The following CERS6 variants were observed in gnomAD, a reference collection of about 807,000 sequenced individuals.
CERS6 encodes the protein ceramide synthase 6.
In CERS6, 26 loss-of-function variants were observed where a neutral mutation model predicts 56.8. That is an observed-to-expected ratio of 0.46 (90% CI 0.34 to 0.63). CERS6 has a LOEUF of 0.63. CERS6 is among the 30% of genes least tolerant of loss of function. The pLI, the probability that CERS6 is intolerant of heterozygous loss-of-function variation, is 0.01. For synonymous variants in CERS6, 164 were observed against 173.3 expected, an observed-to-expected ratio of 0.95 and a Z score of 0.42; for missense variants, 415 against 467.5, an observed-to-expected ratio of 0.89 and a Z score of 1.04.
Position 168,720,710 on chromosome 2 carries a change from G to A in CERS6, c.845+2732G>A, listed in dbSNP as rs565952659. 4.6e-5 allele frequency among the ~76,000 whole-genome samples: 7 copies of A among 152,206 alleles called. No homozygotes were observed. In the South Asian group the frequency reaches 1.5e-3, roughly 32 times the overall value. On this transcript the variant is annotated intron_variant, in intron 8 of 9. Coordinates refer to ENST00000305747, the MANE Select transcript of CERS6 (RefSeq NM_203463.3). ...TCTATAGAGCTAAGAAACATGTCAG[G>A]TTCATAGTAATTGCTATGTAAGTAT...
chr2:168,713,632 T>G (rs1687152132), intron 6 of CERS6, among the ~76,000 whole-genome samples: 1 of 152,146 alleles, frequency 6.6e-6, no homozygotes, highest in Non-Finnish European at 1.5e-5. Flanking sequence ...GGATGGTCAA[T>G]TTACTGTTAT....
chr2:168,561,179 C>T lies in CERS6; in HGVS notation c.277-13C>T. On this transcript the variant is annotated splice_polypyrimidine_tract_variant and intron_variant, in intron 2 of 9. Coordinates refer to ENST00000305747, the MANE Select transcript of CERS6 (RefSeq NM_203463.3). ...TGGATTGAAAATTATTTTTCTGGTA[C>T]CTTGTTTCATAGCATCCTGATGAAA... The T allele has an allele frequency of 6.2e-7, 1 of 1,613,052 alleles. No homozygotes were observed. Among genetic ancestry groups the T allele is most frequent in the South Asian group, 1.1e-5 (1 of 91,018 alleles).
chr2:168,751,164 G>A (rs1684257068), intron 8 of CERS6, among the ~76,000 whole-genome samples: 1 of 152,134 alleles, frequency 6.6e-6, no homozygotes, highest in South Asian at 2.1e-4. Context: ...GAAGTGTCAG[G>A]TTAAAAGAAT....
At chr2:168,486,518 G>GTTTTTTTTTT (rs1491580943) in intron 1 of CERS6, among the ~76,000 whole-genome samples, 27 of 136,306 alleles carry the variant, frequency 2.0e-4, no homozygotes, top group East Asian at 8.9e-4. Context: ...GTCTAGATTT[G>GTTTTTTTTTT]GTTTTGTTTT....
At chr2:168,587,303 G>T (rs1190450407) in intron 3 of CERS6, among the ~76,000 whole-genome samples, 1 of 152,202 alleles carries the variant, frequency 6.6e-6, no homozygotes, top group Non-Finnish European at 1.5e-5. Context: ...TTGCCCCTCT[G>T]TGGATTTCAT....
At chr2:168,741,752 G>A (rs1301701558) in intron 8 of CERS6, among the ~76,000 whole-genome samples, 1 of 152,204 alleles carries the variant, frequency 6.6e-6, no homozygotes, top group South Asian at 2.1e-4. Flanking sequence ...CAGGCATGCT[G>A]TAAAGATGTG....
At chr2:168,557,616 C>G (rs562565102) in intron 2 of CERS6, among the ~76,000 whole-genome samples, 31 of 152,212 alleles carry the variant, frequency 2.0e-4, no homozygotes, top group African/African-American at 7.0e-4. Flanking sequence ...TCCTCCTACT[C>G]AATACCAATA....
In CERS6 at chr2:168,759,901, T is replaced by C. The variant is rs919379986; in HGVS notation, c.846-5691T>C. On this transcript the variant is annotated intron_variant, in intron 8 of 9. Coordinates refer to ENST00000305747, the MANE Select transcript of CERS6 (RefSeq NM_203463.3). The stretch of plus-strand genomic sequence containing the variant: ...CAAAAGCTGTACGTTGTGTGTGTTT[T>C]TTTTTGTACATATGTGTTTTGTTTG... 9.9e-5 allele frequency among the ~76,000 whole-genome samples: 15 copies of C among 152,232 alleles called. 1 individual carries two copies. The highest frequency in any genetic ancestry group is 3.6e-4 in the African/African-American group (15 of 41,558).
chr2:168,697,840 A>G (rs544634749), intron 6 of CERS6, among the ~76,000 whole-genome samples: 21 of 152,366 alleles, frequency 1.4e-4, no homozygotes, highest in Admixed American at 1.4e-3. Flanking sequence ...CTTGGCTTCC[A>G]GAAGCCTAGT....
At chr2:168,478,045 T>C (rs986349943) in intron 1 of CERS6, among the ~76,000 whole-genome samples, 1 of 152,194 alleles carries the variant, frequency 6.6e-6, no homozygotes, top group African/African-American at 2.4e-5. Flanking sequence ...ATGATATTTT[T>C]CCCTGGCTGA....
chr2:168,670,611 C>T (rs1000543533), intron 4 of CERS6, among the ~76,000 whole-genome samples: 20 of 152,192 alleles, frequency 1.3e-4, no homozygotes, highest in East Asian at 1.2e-3. Flanking sequence ...AACTAGAAAA[C>T]GACATAGTCA....
chr2:168,554,727 G>A (rs1023924026), intron 2 of CERS6, among the ~76,000 whole-genome samples: 1 of 152,192 alleles, frequency 6.6e-6, no homozygotes, highest in Admixed American at 6.6e-5. Flanking sequence ...AAAAAAGTAT[G>A]TGAGGAGCAC....
At chr2:168,631,390 A>C (rs1467958033) in intron 4 of CERS6, among the ~76,000 whole-genome samples, 1 of 135,970 alleles carries the variant, frequency 7.4e-6, no homozygotes, top group Non-Finnish European at 1.5e-5. Flanking sequence ...AACTATATAT[A>C]TTATATAATA....
chr2:168,613,690 C>A (rs1257331529), intron 3 of CERS6, among the ~76,000 whole-genome samples: 1 of 152,164 alleles, frequency 6.6e-6, no homozygotes, highest in Admixed American at 6.5e-5. Flanking sequence ...TGCTTGGCAA[C>A]CTCATGATCT....
chr2:168,492,845 T>C (rs556399033), intron 1 of CERS6, among the ~76,000 whole-genome samples: 2 of 152,314 alleles, frequency 1.3e-5, no homozygotes, highest in African/African-American at 4.8e-5. Context: ...AGTAACTTTA[T>C]AGCTTAAGCA....
chr2:168,641,280 A>G (rs898132788), intron 4 of CERS6, among the ~76,000 whole-genome samples: 4 of 151,698 alleles, frequency 2.6e-5, no homozygotes, highest in African/African-American at 7.3e-5. Flanking sequence ...CGTGTCTTTC[A>G]ATTAAACTGA....
rs576355062 is a variant in CERS6 at position 168,536,534 on chromosome 2, A to G, written c.171-11062A>G. 1.2e-4 allele frequency among the ~76,000 whole-genome samples: 18 copies of G among 152,312 alleles called. No homozygotes were observed. The East Asian group carries it at 2.1e-3, about 18-fold the overall frequency. On this transcript the variant is annotated intron_variant, in intron 1 of 9. Transcript: ENST00000305747. ...AGCCATTTTACTATATATGTATCCT[A>G]TAACATGTTGCACACCTCAAATATA...
intron 3 of CERS6, among the ~76,000 whole-genome samples, chr2:168,630,597 T>C (rs1684692399): frequency 6.6e-6 from 1 of 152,166 alleles, no homozygotes; most frequent in Non-Finnish European, 1.5e-5. Flanking sequence ...AAAACAAATA[T>C]GAACTTCAGT....
chr2:168,646,827 G>T (rs1685215163), intron 4 of CERS6, among the ~76,000 whole-genome samples: 1 of 151,856 alleles, frequency 6.6e-6, no homozygotes, highest in Admixed American at 6.6e-5. Context: ...TTTTGTCAAA[G>T]ATCAGATGGT....
Sources: gnomAD v4.1 joint callset for allele counts (sites outside exome capture counted in the v4.1 genomes callset) on GRCh38, gnomAD v4.1.1 for gene constraint, MANE v1.5 for transcripts, NCBI Gene and HGNC (gene_info 2026-07-23, HGNC 2026-07-21) for gene names.